Variants in IPO7 observed in about 807,000 individuals in gnomAD.
IPO7 encodes importin-7.
In IPO7, 13 loss-of-function variants were observed where a neutral mutation model predicts 136.4. That is an observed-to-expected ratio of 0.10 (90% CI 0.06 to 0.15). The LOEUF (loss-of-function observed/expected upper bound fraction) is 0.15, where lower values mean the gene tolerates loss of function less well. Ranked by LOEUF, IPO7 falls within the 10% of genes least tolerant of loss-of-function variation. The pLI, the probability that IPO7 is intolerant of heterozygous loss-of-function variation, is 1.00. For missense variants in IPO7, 857 were observed against 1,240.6 expected (o/e 0.69, Z 4.65); for synonymous variants, 403 against 404.4 (o/e 1.00, Z 0.04).
intron 1 of IPO7, among the ~76,000 whole-genome samples, chr11:9,394,616 C>G (rs757756302): frequency 1.3e-5 from 2 of 152,096 alleles, no homozygotes; most frequent in Non-Finnish European, 2.9e-5. Flanking sequence ...ATTTTTTGGC[C>G]ACAACCTACC....
intron 10 of IPO7, 146 bp downstream of exon 10, chr11:9,424,022 TATTA>T (rs1235182877): frequency 9.8e-6 from 5 of 512,732 alleles, no homozygotes; most frequent in East Asian, 6.5e-5. Flanking sequence ...TGGGGCTATT[TATTA>T]ATTATGACAT....
At chr11:9,422,892 T>C (rs1855154559) in intron 8 of IPO7, 114 bp from the exon 9 acceptor site, 1 of 569,244 alleles carries the variant, frequency 1.8e-6, no homozygotes, top group Admixed American at 3.0e-5. Context: ...TATACGGTTG[T>C]TTTTCTTGAT....
At chr11:9,415,039 C>T (rs574955856) in intron 5 of IPO7, among the ~76,000 whole-genome samples, 10 of 151,972 alleles carry the variant, frequency 6.6e-5, no homozygotes, top group East Asian at 5.8e-4. Context: ...GAATCTGGGC[C>T]GGGCACTGTG....
Position 9,440,358 on chromosome 11 carries a change from G to C in IPO7, c.2696-97G>C, listed in dbSNP as rs1855445092. On this transcript the variant is annotated intron_variant, in intron 22 of 24. Coordinates refer to ENST00000379719, the MANE Select transcript of IPO7 (RefSeq NM_006391.3). ...CCTGGAGCTCTCTCTTGTCACTTGTGACTTGTAATTTACTGACAGTGATTG... is the reference window on the plus strand; with the variant it reads ...CCTGGAGCTCTCTCTTGTCACTTGTCACTTGTAATTTACTGACAGTGATTG... The C allele has an allele frequency of 5.3e-6, 5 of 946,144 alleles. No individual in the cohort carries two copies. The East Asian group carries it at 7.6e-5, about 14-fold the overall frequency. 58.6% of individuals were successfully genotyped at this position (946,144 alleles called of 1,614,324 possible). A position where few individuals can be genotyped will look rare whatever the true frequency, so the allele number is the denominator to read the frequency against.
chr11:9,429,865 G>C, intron 15 of IPO7, 31 bp downstream of exon 15: 1 of 1,508,892 alleles, frequency 6.6e-7, no homozygotes, highest in African/African-American at 1.4e-5. Flanking sequence ...ATATTTGCAA[G>C]CATTTTAATG....
chr11:9,425,288 C>T, intron 12 of IPO7, 26 bp downstream of exon 12: 1 of 1,250,104 alleles, frequency 8.0e-7, no homozygotes, highest in East Asian at 2.3e-5. Context: ...TTTGTATGTG[C>T]ATGACTATGC....
intron 24 of IPO7, among the ~76,000 whole-genome samples, chr11:9,444,381 T>G (rs1330192471): frequency 6.6e-6 from 1 of 151,440 alleles, no homozygotes; most frequent in Non-Finnish European, 1.5e-5. Context: ...TTATTTTATT[T>G]ATTTGTTTGA....
chr11:9,408,473 A>C lies in IPO7; in HGVS notation c.167-13A>C, dbSNP rs773672005. 6.8e-6 allele frequency: 10 copies of C among 1,472,296 alleles called. No homozygotes were observed. Among genetic ancestry groups the C allele is most frequent in the Non-Finnish European group, 8.1e-6 (9 of 1,105,630 alleles). The allele number at this position is 1,472,296 out of a possible 1,614,324, so 91.2% of individuals were successfully genotyped here. A position where few individuals can be genotyped will look rare whatever the true frequency, so the allele number is the denominator to read the frequency against. On this transcript the variant is annotated splice_polypyrimidine_tract_variant and intron_variant, in intron 2 of 24. Coordinates refer to ENST00000379719, the MANE Select transcript of IPO7 (RefSeq NM_006391.3). Reference sequence around the variant, plus strand: ...CAGTAAACATTCTTTTGTCAAACTGATCTGTATTTTAGGTGTTATCTATCT... The same window carrying C: ...CAGTAAACATTCTTTTGTCAAACTGCTCTGTATTTTAGGTGTTATCTATCT...
At chr11:9,417,177 C>G (rs1855053313) in intron 6 of IPO7, 29 bp downstream of exon 6, 1 of 914,094 alleles carries the variant, frequency 1.1e-6, no homozygotes, top group East Asian at 2.5e-5. Flanking sequence ...TCTTATATTA[C>G]TAAATGTAAA....
At chr11:9,415,615 G>A (rs934928039) in intron 5 of IPO7, among the ~76,000 whole-genome samples, 1 of 152,154 alleles carries the variant, frequency 6.6e-6, no homozygotes, top group Non-Finnish European at 1.5e-5. Flanking sequence ...GAGGCGGGCG[G>A]ATCACGAGGT....
rs1222967829 is a variant in IPO7 at position 9,448,106 on chromosome 11, ATGACT to A, written c.*2914_*2918del. 1 of 152,246 alleles carries A rather than the reference ATGACT, an allele frequency of 6.6e-6. No homozygotes were observed. The highest frequency in any genetic ancestry group is 1.5e-5 in the Non-Finnish European group (1 of 68,040). 9.4% of individuals were successfully genotyped at this position (152,246 alleles called of 1,614,324 possible). On this transcript the variant is annotated 3_prime_UTR_variant, in exon 25 of 25. Coordinates refer to ENST00000379719, the MANE Select transcript of IPO7 (RefSeq NM_006391.3). ...TAGGTAGTCTCTGTTTGTAAAATAA[ATGACT>A]TAAATTTAAAACATCAGTTATAAAA...
At chr11:9,404,755 A>G (rs953504591) in intron 2 of IPO7, among the ~76,000 whole-genome samples, 15 of 151,562 alleles carry the variant, frequency 9.9e-5, no homozygotes, top group Non-Finnish European at 1.6e-4. Flanking sequence ...TTTAGTAGAG[A>G]CGGGGTTTCA....
At chr11:9,387,906 G>T (rs903560518) in intron 1 of IPO7, among the ~76,000 whole-genome samples, 4 of 151,104 alleles carry the variant, frequency 2.6e-5, no homozygotes, top group Non-Finnish European at 5.9e-5. Flanking sequence ...CCAGCACTTT[G>T]GGAGTCCGAG....
chr11:9,392,978 A>T (rs1854658342), intron 1 of IPO7, among the ~76,000 whole-genome samples: 1 of 151,176 alleles, frequency 6.6e-6, no homozygotes, highest in African/African-American at 2.4e-5. Context: ...TACGGGTTTG[A>T]AGAGTATGTT....
rs1186321106 is a variant in IPO7 at position 9,423,141 on chromosome 11, GTAA to G, written c.1041+6_1041+8del. On this transcript the variant is annotated splice_donor_variant and splice_donor_region_variant and intron_variant, in intron 9 of 24. Transcript: ENST00000379719. LOFTEE classifies it high-confidence loss of function. ...GAAGAATCTGAAGCCCCATATACAA[GTAA>G]TAATTTTTATCTGAAATGTTTTTAT... 2 of 1,535,156 alleles carry G rather than the reference GTAA, an allele frequency of 1.3e-6. No homozygotes were observed. The highest frequency in any genetic ancestry group is 2.8e-5 in the African/African-American group (2 of 71,912).
At chr11:9,423,413 A>G (rs1057388138) in intron 9 of IPO7, among the ~76,000 whole-genome samples, 1 of 152,208 alleles carries the variant, frequency 6.6e-6, no homozygotes, top group Non-Finnish European at 1.5e-5. Context: ...ATATTTTATC[A>G]TGTAATTTGG....
intron 12 of IPO7, 134 bp downstream of exon 12, chr11:9,425,396 C>T (rs1246448204): frequency 4.7e-6 from 3 of 641,946 alleles, no homozygotes; most frequent in Non-Finnish European, 8.3e-6. Context: ...TGCCTGAGCC[C>T]AGGAGTTTGA....
At chr11:9,418,524 G>A (rs1855076000) in intron 6 of IPO7, among the ~76,000 whole-genome samples, 1 of 152,048 alleles carries the variant, frequency 6.6e-6, no homozygotes, top group Non-Finnish European at 1.5e-5. Context: ...GTCCTATTTT[G>A]TAGTTTAATT....
chr11:9,438,246 A>AGTG lies in IPO7; in HGVS notation c.2657_2659dup (p.Ser886_Asp887insGly). On this transcript the variant is annotated inframe_insertion, in exon 22 of 25. Transcript: ENST00000379719. ...CTGCCATGCAGAACATGAGAATGACAGTGATGATGATGATGAAGCTGAAGA... is the reference window on the plus strand; with the variant it reads ...CTGCCATGCAGAACATGAGAATGACAGTGGTGATGATGATGATGAAGCTGAAGA... 3 of 1,601,170 alleles carry AGTG rather than the reference A, an allele frequency of 1.9e-6. No individual in the cohort carries two copies. The highest frequency in any genetic ancestry group is 2.6e-6 in the Non-Finnish European group (3 of 1,169,188).
Sources: allele counts gnomAD v4.1 joint callset (sites outside exome capture counted in the v4.1 genomes callset), GRCh38; gene constraint gnomAD v4.1.1; transcripts MANE v1.5; gene names NCBI Gene and HGNC (gene_info 2026-07-23, HGNC 2026-07-21).